Variants in ERICH6 observed in about 807,000 individuals in gnomAD.
ERICH6 encodes glutamate-rich protein 6.
In ERICH6, 71 loss-of-function variants were observed where a neutral mutation model predicts 71.0. That is an observed-to-expected ratio of 1.00 (90% CI 0.83 to 1.22). The LOEUF (loss-of-function observed/expected upper bound fraction) is 1.22. Among genes scored for constraint, ERICH6 ranks in the 50% most tolerant of loss-of-function variants. ERICH6 has a pLI of 0.00. For synonymous variants in ERICH6, 262 were observed against 278.4 expected, an observed-to-expected ratio of 0.94 and a Z score of 0.59; for missense variants, 808 against 797.2, an observed-to-expected ratio of 1.01 and a Z score of -0.16.
In ERICH6 at chr3:150,686,734, T is replaced by G. The variant is rs529962047; in HGVS notation, c.554-380A>C. Among the ~76,000 whole-genome samples the G allele has an allele frequency of 5.3e-5, 8 of 152,374 alleles. No individual in the cohort carries two copies. The South Asian group carries it at 1.7e-3, about 32-fold the overall frequency. ...AGAAGGTTCATTCTTAGCATGTATCTTAGCAACCTCAGCATACTATTTTTT... is the reference window on the plus strand; with the variant it reads ...AGAAGGTTCATTCTTAGCATGTATCGTAGCAACCTCAGCATACTATTTTTT... On this transcript the variant is annotated intron_variant, in intron 3 of 13. Coordinates refer to ENST00000295910, the MANE Select transcript of ERICH6 (RefSeq NM_152394.5).
intron 11 of ERICH6, 45 bp from the exon 12 acceptor site, chr3:150,669,496 C>A (rs189980450): frequency 1.9e-6 from 3 of 1,587,056 alleles, no homozygotes; most frequent in Non-Finnish European, 2.6e-6. Context: ...TGCTCCTTGA[C>A]TATTCTGGGA....
At chr3:150,664,665 T>A (rs1727343917) in intron 13 of ERICH6, among the ~76,000 whole-genome samples, 1 of 151,486 alleles carries the variant, frequency 6.6e-6, no homozygotes, top group African/African-American at 2.4e-5. Context: ...AAAAGATGTA[T>A]AAAATAATTT....
intron 13 of ERICH6, among the ~76,000 whole-genome samples, chr3:150,665,713 G>A (rs1432837077): frequency 1.3e-5 from 2 of 150,604 alleles, no homozygotes; most frequent in African/African-American, 4.9e-5. Context: ...TGTAGTCCCA[G>A]CTACTCAGGA....
chr3:150,680,148 T>C (rs1711841652), intron 9 of ERICH6, among the ~76,000 whole-genome samples: 1 of 152,232 alleles, frequency 6.6e-6, no homozygotes, highest in Admixed American at 6.5e-5. Flanking sequence ...AAAAACCAGA[T>C]GGCTGGAAAC....
rs201066341 is a variant in ERICH6, at chr3:150,682,111, G to A, written c.882+107C>T. On this transcript the variant is annotated intron_variant, in intron 7 of 13. Coordinates refer to ENST00000295910, the MANE Select transcript of ERICH6 (RefSeq NM_152394.5). ...ATTACAGGTGTGAGCCATCAAGCCC[G>A]GCCTAACTCTTTTAAAAATGGCAAT... 124 of 964,928 alleles carry A rather than the reference G, an allele frequency of 1.3e-4. No homozygotes were observed. The East Asian group carries it at 2.6e-3, about 20-fold the overall frequency. The allele number at this position is 964,928 out of a possible 1,614,324, so 59.8% of individuals were successfully genotyped here. A position where few individuals can be genotyped will look rare whatever the true frequency, so the allele number is the denominator to read the frequency against.
intron 3 of ERICH6, among the ~76,000 whole-genome samples, chr3:150,688,076 C>A (rs1429018639): frequency 6.6e-6 from 1 of 152,056 alleles, no homozygotes; most frequent in African/African-American, 2.4e-5. Flanking sequence ...TGAGATCACG[C>A]CACTGCACTG....
intron 10 of ERICH6, among the ~76,000 whole-genome samples, chr3:150,678,090 G>A (rs1711731425): frequency 1.3e-5 from 2 of 152,324 alleles, no homozygotes; most frequent in South Asian, 2.1e-4. Flanking sequence ...GGCAGTGCAA[G>A]TCTAGAAAAT....
In ERICH6 at chr3:150,680,977, A is replaced by G. The variant is rs373729735; in HGVS notation, c.883-47T>C. 1,221 of 1,500,380 alleles carry G rather than the reference A, an allele frequency of 8.1e-4. 21 individuals are homozygous for G. In the South Asian group the frequency reaches 0.016, roughly 20 times the overall value. The allele number at this position is 1,500,380 out of a possible 1,614,324, so 92.9% of individuals were successfully genotyped here. On this transcript the variant is annotated intron_variant, in intron 7 of 13. Transcript: ENST00000295910. Reference sequence around the variant, plus strand: ...CTCATCTCATTAGTCCTAGATGAGGAGGATTAGAGGGGATAAAAATGACTA... The same window carrying G: ...CTCATCTCATTAGTCCTAGATGAGGGGGATTAGAGGGGATAAAAATGACTA...
At chr3:150,681,044 T>C in intron 7 of ERICH6, 114 bp from the exon 8 acceptor site, 1 of 1,071,772 alleles carries the variant, frequency 9.3e-7, no homozygotes, top group South Asian at 2.1e-5. Context: ...TTTATTCTGG[T>C]AATAGCTTTA....
At chr3:150,670,258 G>T (rs965223380) in intron 11 of ERICH6, among the ~76,000 whole-genome samples, 5 of 151,994 alleles carry the variant, frequency 3.3e-5, no homozygotes, top group Non-Finnish European at 5.9e-5. Flanking sequence ...GCTGAGGCGG[G>T]TGGATCATGA....
chr3:150,697,266 G>A (rs1298696082), intron 3 of ERICH6, among the ~76,000 whole-genome samples: 5 of 152,188 alleles, frequency 3.3e-5, no homozygotes, highest in African/African-American at 1.2e-4. Flanking sequence ...CATGATAATA[G>A]TGGTGACATC....
chr3:150,692,157 T>C (rs911992840), intron 3 of ERICH6, among the ~76,000 whole-genome samples: 1 of 152,210 alleles, frequency 6.6e-6, no homozygotes, highest in Non-Finnish European at 1.5e-5. Context: ...ATAAAGGTTA[T>C]AAAAAGCTTA....
At position 150,703,538 on chromosome 3, in the gene ERICH6, T is replaced by C. The variant is rs1376973478; in HGVS notation, c.361A>G (p.Thr121Ala). The C allele has an allele frequency of 6.2e-7, 1 of 1,611,730 alleles. No individual in the cohort carries two copies. The highest frequency in any genetic ancestry group is 2.2e-5 in the East Asian group (1 of 44,798). ...CTGGAGGGTGGGCTTGCGCTCGGCG[T>C]TTCAGTGCTGGTCGCGCTCTGGCTG... is the stretch of plus-strand genomic sequence containing the variant. Reference protein sequence around the residue: ...VPSQSATSTETPSASPPSSTS... With the variant: ...VPSQSATSTEAPSASPPSSTS... Residue 121 changes from threonine (T) to alanine (A), a missense_variant, in exon 1 of 14, where the codon ACG becomes GCG. By Grantham distance (58) the Thr-to-Ala change is moderately conservative (BLOSUM62 0). This residue lies in a region of ERICH6 where 736 missense variants were observed against 712.2 expected (regional missense o/e 1.03). Coordinates refer to ENST00000295910, the MANE Select transcript of ERICH6 (RefSeq NM_152394.5).
At chr3:150,697,104 T>G (rs942830275) in intron 3 of ERICH6, among the ~76,000 whole-genome samples, 5 of 152,120 alleles carry the variant, frequency 3.3e-5, no homozygotes, top group Non-Finnish European at 7.4e-5. Context: ...GGTAAAAATT[T>G]TCAAGGCCTA....
intron 3 of ERICH6, among the ~76,000 whole-genome samples, chr3:150,690,820 A>G (rs187050572): frequency 1.4e-4 from 21 of 152,348 alleles, no homozygotes; most frequent in Admixed American, 5.2e-4. Flanking sequence ...CCAAGACAAA[A>G]TGATCTTTGC....
chr3:150,666,893 G>A lies in ERICH6; in HGVS notation c.1622C>T (p.Ala541Val). 4 of 1,614,122 alleles carry A rather than the reference G, an allele frequency of 2.5e-6. No individual in the cohort carries two copies. The highest frequency in any genetic ancestry group is 3.4e-6 in the Non-Finnish European group (4 of 1,180,024). Residue 541 changes from alanine to valine, a missense_variant, in exon 13 of 14, where the codon GCT (alanine) becomes GTT (valine). Around this residue, in one of 3 missense-constraint regions of ERICH6, gnomAD observed 736 missense variants for 712.2 expected, o/e 1.03. Transcript: ENST00000295910. ...GCGGACTCCAATATAACGGTTCAAA[G>A]CCAGAAAGACAGGTTTAAATGAAAC... Reference protein sequence around the residue: ...PFVSFKPVFLALNRYIGVRIL... With the variant: ...PFVSFKPVFLVLNRYIGVRIL...
chr3:150,674,444 T>C (rs1298616044), intron 10 of ERICH6, among the ~76,000 whole-genome samples: 1 of 152,204 alleles, frequency 6.6e-6, no homozygotes, highest in Non-Finnish European at 1.5e-5. Flanking sequence ...TGGATTTCCT[T>C]GTTTATCCTG....
rs1711756995 is a variant in ERICH6 at position 150,678,616 on chromosome 3, C to T, written c.1112-62G>A. The T allele has an allele frequency of 2.9e-6, 4 of 1,383,690 alleles. No individual in the cohort carries two copies. In the Admixed American group the frequency reaches 9.0e-5, roughly 31 times the overall value. 85.7% of individuals were successfully genotyped at this position (1,383,690 alleles called of 1,614,324 possible). On this transcript the variant is annotated intron_variant, in intron 9 of 13. Coordinates refer to ENST00000295910, the MANE Select transcript of ERICH6 (RefSeq NM_152394.5). The stretch of plus-strand genomic sequence containing the variant: ...TTTTAAATTTTCTAAAGCCTCTTTT[C>T]TAAAATGAAATTTCAAACCCCAATA...
At chr3:150,694,437 C>T (rs1712574913) in intron 3 of ERICH6, among the ~76,000 whole-genome samples, 1 of 152,160 alleles carries the variant, frequency 6.6e-6, no homozygotes. Context: ...CAGACAGCTA[C>T]AGATAAAAGG....
Sources: allele counts gnomAD v4.1 joint callset (sites outside exome capture counted in the v4.1 genomes callset), GRCh38; gene constraint gnomAD v4.1.1; regional missense constraint gnomAD v4.1.1; transcripts MANE v1.5; gene names NCBI Gene and HGNC (gene_info 2026-07-23, HGNC 2026-07-21).